Variants in CSGALNACT1 observed in about 807,000 individuals in gnomAD.
CSGALNACT1 encodes beta4GalNAcT-1.
CSGALNACT1 carries 52 observed loss-of-function variants against 51.0 expected under a neutral mutation model. That is an observed-to-expected ratio of 1.02 (90% CI 0.82 to 1.29). The LOEUF (loss-of-function observed/expected upper bound fraction) is 1.29. Ranked by LOEUF, CSGALNACT1 falls within the 50% of genes most tolerant of loss-of-function variation. CSGALNACT1 has a pLI of 0.00. For synonymous variants in CSGALNACT1, 341 were observed against 254.4 expected (o/e 1.34, Z -3.24); for missense variants, 935 against 679.2 (o/e 1.38, Z -4.19).
intron 4 of CSGALNACT1, among the ~76,000 whole-genome samples, chr8:19,479,393 GC>G (rs1273956017): frequency 7.2e-5 from 11 of 152,254 alleles, no homozygotes; most frequent in African/African-American, 2.7e-4. Context: ...TTCTCAAAGA[GC>G]CATTGGCGGC....
intron 1 of CSGALNACT1, among the ~76,000 whole-genome samples, chr8:19,715,602 G>C (rs2062759788): frequency 6.6e-6 from 1 of 152,170 alleles, no homozygotes; most frequent in South Asian, 2.1e-4. Flanking sequence ...AGGTGCATGT[G>C]TCTCTATAAT....
At chr8:19,469,106 T>C (rs2067443124) in intron 4 of CSGALNACT1, among the ~76,000 whole-genome samples, 1 of 152,188 alleles carries the variant, frequency 6.6e-6, no homozygotes, top group Non-Finnish European at 1.5e-5. Flanking sequence ...ATTGGCCCAC[T>C]GCCCTGAGTG....
At chr8:19,702,094 T>G (rs2061912098) in intron 1 of CSGALNACT1, among the ~76,000 whole-genome samples, 1 of 152,196 alleles carries the variant, frequency 6.6e-6, no homozygotes, top group Admixed American at 6.5e-5. Flanking sequence ...ACCATCATTA[T>G]AGCCTCCTAA....
Position 19,716,791 on chromosome 8 carries a change from C to CAA in CSGALNACT1, c.-297+41057_-297+41058dup, listed in dbSNP as rs111640426. Among the ~76,000 whole-genome samples, 935 of 145,922 alleles carry CAA rather than the reference C, an allele frequency of 6.4e-3. 12 individuals carry two copies. Among genetic ancestry groups the CAA allele is most frequent in the African/African-American group, 0.022 (886 of 39,982 alleles). On this transcript the variant is annotated intron_variant, in intron 1 of 1. Coordinates refer to the CSGALNACT1 transcript ENST00000517494. ...TGGGTGACGGAGTGAGACTTTTTCT[C>CAA]AAAAAAAAAAAATTAATATTTCCCT...
At chr8:19,647,575 G>A (rs2057392201) in intron 1 of CSGALNACT1, among the ~76,000 whole-genome samples, 1 of 152,188 alleles carries the variant, frequency 6.6e-6, no homozygotes, top group African/African-American at 2.4e-5. Context: ...GTGCATCTCA[G>A]TGCTAATCCT....
In CSGALNACT1 at chr8:19,579,247, T is replaced by C. The variant is rs1723285598; in HGVS notation, c.-297+11913A>G. On this transcript the variant is annotated intron_variant, in intron 3 of 9. Coordinates refer to ENST00000454498, the Ensembl canonical transcript of CSGALNACT1. ...AGCTCCAAATTCAGCTCACGTCACTTTCCTCTGTTCCCACTCCCTCCATGT... is the reference window on the plus strand; with the variant it reads ...AGCTCCAAATTCAGCTCACGTCACTCTCCTCTGTTCCCACTCCCTCCATGT... 5.3e-5 allele frequency among the ~76,000 whole-genome samples: 8 copies of C among 152,290 alleles called. No homozygotes were observed. The South Asian group carries it at 1.7e-3, about 32-fold the overall frequency.
At chr8:19,543,146 A>G (rs562308828) in intron 3 of CSGALNACT1, among the ~76,000 whole-genome samples, 1 of 152,348 alleles carries the variant, frequency 6.6e-6, no homozygotes, top group South Asian at 2.1e-4. Context: ...TGTATATTAT[A>G]TACAGAATCC....
chr8:19,566,247 G>C (rs560166638), intron 3 of CSGALNACT1, among the ~76,000 whole-genome samples: 2 of 152,276 alleles, frequency 1.3e-5, no homozygotes, highest in Admixed American at 1.3e-4. Flanking sequence ...ACACAGAAGA[G>C]GAAGGAGCAA....
chr8:19,641,125 GGTCTTTT>G, intron 1 of CSGALNACT1, among the ~76,000 whole-genome samples: 1 of 130,464 alleles, frequency 7.7e-6, no homozygotes, highest in Non-Finnish European at 1.6e-5. Flanking sequence ...AATGGTGACT[GGTCTTTT>G]TTTTTTTTTT....
At chr8:19,742,197 T>C (rs1000430284) in intron 1 of CSGALNACT1, among the ~76,000 whole-genome samples, 1 of 152,148 alleles carries the variant, frequency 6.6e-6, no homozygotes, top group Non-Finnish European at 1.5e-5. Flanking sequence ...TCCCATTTTA[T>C]AGACAAAACA....
intron 1 of CSGALNACT1, among the ~76,000 whole-genome samples, chr8:19,646,348 C>A (rs945742402): frequency 2.6e-5 from 4 of 152,106 alleles, no homozygotes; most frequent in African/African-American, 4.8e-5. Context: ...TTGCTGATCA[C>A]TGAAAAGTTA....
intron 4 of CSGALNACT1, among the ~76,000 whole-genome samples, chr8:19,487,911 A>T (rs953525837): frequency 6.6e-6 from 1 of 152,134 alleles, no homozygotes; most frequent in Non-Finnish European, 1.5e-5. Context: ...ATGCTAAAAA[A>T]ACTGTGAAGT....
intron 6 of CSGALNACT1, among the ~76,000 whole-genome samples, chr8:19,434,191 C>T (rs2060041744): frequency 6.6e-6 from 1 of 152,122 alleles, no homozygotes; most frequent in East Asian, 1.9e-4. Flanking sequence ...TTGCAGAGGC[C>T]TTTACTCCAT....
At chr8:19,513,436 C>CTCTCTCTCTCTCTCTCTATATATA in intron 3 of CSGALNACT1, among the ~76,000 whole-genome samples, 37 of 81,952 alleles carry the variant, frequency 4.5e-4, no homozygotes, top group African/African-American at 8.7e-4. Flanking sequence ...CTCTCTCTCT[C>CTCTCTCTCTCTCTCTCTATATATA]TATATATATA....
chr8:19,461,872 T>C (rs2065607506), intron 4 of CSGALNACT1, among the ~76,000 whole-genome samples: 1 of 148,402 alleles, frequency 6.7e-6, no homozygotes, highest in African/African-American at 2.4e-5. Context: ...ATGGAGGGCG[T>C]ATCCACACAG....
At chr8:19,756,369 G>A (rs2065375231) in intron 1 of CSGALNACT1, among the ~76,000 whole-genome samples, 1 of 152,164 alleles carries the variant, frequency 6.6e-6, no homozygotes, top group African/African-American at 2.4e-5. Flanking sequence ...CTTTTTATTA[G>A]TATTTCACTT....
rs386412239 is a variant in CSGALNACT1 at position 19,485,759 on chromosome 8, C to CT, written c.634+19441dup. 8.1e-3 allele frequency among the ~76,000 whole-genome samples: 313 copies of CT among 38,530 alleles called. 111 individuals carry two copies. The highest frequency in any genetic ancestry group is 0.021 in the African/African-American group (210 of 9,990). The allele number at this position is 38,530 out of a possible 152,430, so 25.3% of individuals were successfully genotyped here. ...AAAGTCTCACTGCCACCTCAGCTTG[C>CT]TTTTTTTTTTTTTTTTTTTTTTTTT... On this transcript the variant is annotated intron_variant, in intron 4 of 9. Transcript: ENST00000454498.
At chr8:19,566,358 G>A (rs1308728718) in intron 3 of CSGALNACT1, among the ~76,000 whole-genome samples, 1 of 152,112 alleles carries the variant, frequency 6.6e-6, no homozygotes, top group Non-Finnish European at 1.5e-5. Flanking sequence ...AGGAAGCGTG[G>A]CCCTGCTGAC....
chr8:19,627,787 T>C (rs912295300), intron 1 of CSGALNACT1, among the ~76,000 whole-genome samples: 10 of 152,198 alleles, frequency 6.6e-5, no homozygotes, highest in Admixed American at 1.3e-4. Context: ...GTTACACCAC[T>C]GCACTGCAGC....
Sources: gnomAD v4.1 joint callset for allele counts (sites outside exome capture counted in the v4.1 genomes callset) on GRCh38, gnomAD v4.1.1 for gene constraint, MANE v1.5 for transcripts, NCBI Gene and HGNC (gene_info 2026-07-23, HGNC 2026-07-21) for gene names.